TAS1R1: variants seen among roughly 807,000 people sequenced by gnomAD.
The protein encoded by TAS1R1 is taste receptor type 1 member 1.
Under a neutral mutation model 45.8 loss-of-function variants are expected in TAS1R1, and 31 were observed. That is an observed-to-expected ratio of 0.68 (90% CI 0.51 to 0.91). The LOEUF (loss-of-function observed/expected upper bound fraction) is 0.91, where lower values mean the gene tolerates loss of function less well. Ranked by LOEUF, TAS1R1 falls within the 40% of genes least tolerant of loss-of-function variation. The pLI, the probability that TAS1R1 is intolerant of heterozygous loss-of-function variation, is 0.00. For synonymous variants in TAS1R1, 437 were observed against 448.4 expected (o/e 0.97, Z 0.32); for missense variants, 1,051 against 1,063.9 (o/e 0.99, Z 0.17).
chr1:6,562,238 G>A (rs996622162), intron 1 of TAS1R1, among the ~76,000 whole-genome samples: 20 of 152,130 alleles, frequency 1.3e-4, no homozygotes, highest in African/African-American at 4.6e-4. Flanking sequence ...CCGAGATCCC[G>A]GCTCACTGCA....
chr1:6,573,361 G>A (rs536469774), intron 2 of TAS1R1, among the ~76,000 whole-genome samples: 18 of 152,280 alleles, frequency 1.2e-4, no homozygotes, highest in African/African-American at 4.3e-4. Flanking sequence ...GGAGGCTGAG[G>A]CAGGAGAATT....
At chr1:6,578,526 C>A in intron 5 of TAS1R1, 127 bp from the exon 6 acceptor site, 1 of 1,460,738 alleles carries the variant, frequency 6.8e-7, no homozygotes, top group South Asian at 1.5e-5. Flanking sequence ...CCGGCTACCC[C>A]CATCCCACTA....
At chr1:6,567,713 G>C (rs114483104) in intron 1 of TAS1R1, among the ~76,000 whole-genome samples, 1,718 of 152,274 alleles carry the variant, frequency 0.011, 25 homozygotes, top group East Asian at 0.035. Flanking sequence ...GGGAGTGTAA[G>C]CAATTCTTCA....
intron 1 of TAS1R1, among the ~76,000 whole-genome samples, chr1:6,556,644 C>T (rs938918516): frequency 6.6e-6 from 1 of 151,814 alleles, no homozygotes; most frequent in East Asian, 2.0e-4. Flanking sequence ...TCAGGTGATC[C>T]GCCCACCTCG....
At chr1:6,563,155 T>C (rs1362766578) in intron 1 of TAS1R1, among the ~76,000 whole-genome samples, 1 of 152,234 alleles carries the variant, frequency 6.6e-6, no homozygotes, top group African/African-American at 2.4e-5. Context: ...GAGCTGGTGG[T>C]GACTTTTAGG....
At chr1:6,566,625 T>C (rs770473646) in intron 1 of TAS1R1, among the ~76,000 whole-genome samples, 10 of 152,144 alleles carry the variant, frequency 6.6e-5, no homozygotes, top group Non-Finnish European at 1.0e-4. Flanking sequence ...AGATGGAGTC[T>C]CGCTCTGTTG....
At chr1:6,571,870 T>G (rs906945631) in intron 2 of TAS1R1, among the ~76,000 whole-genome samples, 5 of 152,130 alleles carry the variant, frequency 3.3e-5, no homozygotes, top group Non-Finnish European at 5.9e-5. Flanking sequence ...CCCCATAGAC[T>G]GCTCCACATC....
At chr1:6,564,916 T>TG (rs1639848727) in intron 1 of TAS1R1, among the ~76,000 whole-genome samples, 1 of 151,594 alleles carries the variant, frequency 6.6e-6, no homozygotes, top group Non-Finnish European at 1.5e-5. Flanking sequence ...TGTGTAGGGA[T>TG]GGGGGGAGCG....
At position 6,574,983 on chromosome 1, in the gene TAS1R1, T is replaced by C; in HGVS notation, c.851T>C (p.Phe284Ser). Residue 284 changes from phenylalanine (F) to serine (S), a missense_variant, in exon 3 of 6, where the codon TTC (phenylalanine) becomes TCC (serine). Coordinates refer to ENST00000333172, the MANE Select transcript of TAS1R1 (RefSeq NM_138697.4). The surrounding 1 kb of genome is among the most constrained non-coding windows in gnomAD (Gnocchi z 4.3). ...AGCCGGCAGTTGGCCAGGGTGTTTT[T>C]CGAGTCCGTGGTGCTGACCAACCTG... ...FSSRQLARVF[F>S]ESVVLTNLTG... The C allele has an allele frequency of 6.2e-7, 1 of 1,602,744 alleles. No homozygotes were observed.
In TAS1R1 at chr1:6,570,995, T is replaced by C. The variant is rs1639997439; in HGVS notation, c.278T>C (p.Leu93Pro). 1 of 1,614,194 alleles carries C rather than the reference T, an allele frequency of 6.2e-7. No individual in the cohort carries two copies. The highest frequency in any genetic ancestry group is 8.5e-7 in the Non-Finnish European group (1 of 1,180,026). The change falls in exon 2 of 6, where the codon CTG becomes CCG. Residue 93 changes from leucine to proline, a missense_variant. Coordinates refer to ENST00000333172, the MANE Select transcript of TAS1R1 (RefSeq NM_138697.4). ...VEEINNSTAL[L>P]PNITLGYQLY... ...GAGATAAACAACTCCACGGCCCTGCTGCCCAACATCACCCTGGGGTACCAG... is the reference window on the plus strand; with the variant it reads ...GAGATAAACAACTCCACGGCCCTGCCGCCCAACATCACCCTGGGGTACCAG...
At chr1:6,563,717 G>T (rs1217753745) in intron 1 of TAS1R1, among the ~76,000 whole-genome samples, 1 of 152,096 alleles carries the variant, frequency 6.6e-6, no homozygotes, top group Non-Finnish European at 1.5e-5. Context: ...GAAAGGGGAG[G>T]TGTGGCTACG....
At chr1:6,563,513 G>A (rs984422315) in intron 1 of TAS1R1, among the ~76,000 whole-genome samples, 1 of 152,268 alleles carries the variant, frequency 6.6e-6, no homozygotes, top group African/African-American at 2.4e-5. Flanking sequence ...GTTGTAAGGG[G>A]CTTTTTCCTT....
intron 1 of TAS1R1, among the ~76,000 whole-genome samples, chr1:6,556,526 G>T (rs1331631389): frequency 1.3e-5 from 2 of 151,930 alleles, no homozygotes; most frequent in Non-Finnish European, 2.9e-5. Context: ...TTAGCCTCGG[G>T]AGTAGCTGGA....
chr1:6,567,102 A>G (rs966345257), intron 1 of TAS1R1, among the ~76,000 whole-genome samples: 1 of 152,206 alleles, frequency 6.6e-6, no homozygotes, highest in Admixed American at 6.6e-5. Flanking sequence ...GTCTCAGCCT[A>G]GAATGGGGAT....
chr1:6,562,657 G>T (rs559728237), intron 1 of TAS1R1, among the ~76,000 whole-genome samples: 5 of 152,318 alleles, frequency 3.3e-5, no homozygotes, highest in African/African-American at 1.2e-4. Flanking sequence ...TAGCTGTACG[G>T]CTCTGCGTTG....
At position 6,579,398 on chromosome 1, in the gene TAS1R1, C is replaced by G. The variant is rs750440086; in HGVS notation, c.2340C>G (p.Ala780=). 1.2e-6 allele frequency: 2 copies of G among 1,613,834 alleles called. No individual in the cohort carries two copies. Among genetic ancestry groups the G allele is most frequent in the Non-Finnish European group, 1.7e-6 (2 of 1,180,058 alleles). ...CCTGGATCGCCTTCTTCACCACGGCCAGCGTCTACGACGGCAAGTACCTGC... is the reference window on the plus strand; with the variant it reads ...CCTGGATCGCCTTCTTCACCACGGCGAGCGTCTACGACGGCAAGTACCTGC... The part of the protein sequence containing the change: ...FVSWIAFFTT[A]SVYDGKYLPA... The change falls in exon 6 of 6, where the codon GCC becomes GCG. Residue 780 remains alanine, a synonymous_variant. Coordinates refer to ENST00000333172, the MANE Select transcript of TAS1R1 (RefSeq NM_138697.4).
At chr1:6,568,251 C>T (rs1639914095) in intron 1 of TAS1R1, among the ~76,000 whole-genome samples, 7 of 151,798 alleles carry the variant, frequency 4.6e-5, no homozygotes, top group Admixed American at 4.6e-4. Flanking sequence ...ATATTGAGAC[C>T]ATCCTGGCTA....
intron 1 of TAS1R1, among the ~76,000 whole-genome samples, chr1:6,559,658 C>CAA (rs769420972): frequency 3.0e-5 from 3 of 100,498 alleles, no homozygotes; most frequent in Non-Finnish European, 4.2e-5. Flanking sequence ...GACTCCCTCT[C>CAA]AAAAAAAAAA....
Position 6,557,726 on chromosome 1 carries a change from G to T in TAS1R1, c.191+2162G>T, listed in dbSNP as rs114148794. ...CATTGGGATTCTAGGTGAGCCACTG[G>T]GCCAGCCATTACAAAAAAGTTTTTT... On this transcript the variant is annotated intron_variant, in intron 1 of 5. Transcript: ENST00000333172. 9.0e-3 allele frequency among the ~76,000 whole-genome samples: 1,367 copies of T among 152,250 alleles called. 16 individuals are homozygous for T. Among genetic ancestry groups the T allele is most frequent in the African/African-American group, 0.03 (1,247 of 41,546 alleles).
Sources: allele counts gnomAD v4.1 joint callset (sites outside exome capture counted in the v4.1 genomes callset), GRCh38; gene constraint gnomAD v4.1.1; non-coding constraint Gnocchi (gnomAD v3.1); transcripts MANE v1.5; gene names NCBI Gene and HGNC (gene_info 2026-07-23, HGNC 2026-07-21).